The following TGFBR3 variants were observed in gnomAD, a reference collection of about 807,000 sequenced individuals.
TGFBR3 encodes transforming growth factor beta receptor type 3.
A neutral mutation model predicts 87.9 loss-of-function variants in TGFBR3; 46 were observed. The observed-to-expected ratio is 0.52, with a 90% confidence interval of 0.41 to 0.67. TGFBR3 has a LOEUF of 0.67. TGFBR3 is among the 30% of genes least tolerant of loss of function. TGFBR3 has a pLI of 0.00. For missense variants in TGFBR3, 866 were observed against 1,041.9 expected (o/e 0.83, Z 2.32); for synonymous variants, 381 against 391.6 (o/e 0.97, Z 0.32).
intron 3 of TGFBR3, among the ~76,000 whole-genome samples, chr1:91,770,388 C>T (rs1229246411): frequency 4.6e-5 from 7 of 152,162 alleles, no homozygotes; most frequent in Non-Finnish European, 1.0e-4. Flanking sequence ...AGTCTCTGAT[C>T]TGCCACCCTA....
At chr1:91,740,881 A>AGG (rs1673137348) in intron 4 of TGFBR3, among the ~76,000 whole-genome samples, 1 of 152,244 alleles carries the variant, frequency 6.6e-6, no homozygotes, top group Non-Finnish European at 1.5e-5. Context: ...TAAGAAATGT[A>AGG]GGGAAAATAA....
At chr1:91,837,277 T>G (rs907921251) in intron 2 of TGFBR3, among the ~76,000 whole-genome samples, 7 of 149,900 alleles carry the variant, frequency 4.7e-5, no homozygotes, top group African/African-American at 1.7e-4. Context: ...AGTCTTGCTC[T>G]GTCTGTCGCC....
chr1:91,683,984 C>T (rs771208481), intron 16 of TGFBR3, 127 bp from the exon 17 acceptor site: 18 of 800,940 alleles, frequency 2.2e-5, no homozygotes, highest in Non-Finnish European at 3.1e-5. Context: ...GCAGAAGCAA[C>T]TAGACTAGGT....
At position 91,682,005 on chromosome 1, in the gene TGFBR3, T is replaced by G. The variant is rs139697752; in HGVS notation, c.*1734A>C. Reference sequence around the variant, plus strand: ...GATCAATGTAGATAGCCTGGAAATCTCAGCCCTAAAGTAATGTTTTAGTTA... The same window carrying G: ...GATCAATGTAGATAGCCTGGAAATCGCAGCCCTAAAGTAATGTTTTAGTTA... On this transcript the variant is annotated 3_prime_UTR_variant, in exon 17 of 17. Transcript: ENST00000212355. 692 of 453,866 alleles carry G rather than the reference T, an allele frequency of 1.5e-3. 3 individuals are homozygous for G. The highest frequency in any genetic ancestry group is 9.8e-3 in the African/African-American group (493 of 50,062). 28.1% of individuals were successfully genotyped at this position (453,866 alleles called of 1,614,324 possible).
chr1:91,698,132 T>C lies in TGFBR3; in HGVS notation c.2288-2A>G. ...GTTCCTTCATGCTTGGACCTTTTTC[T>C]GAAACAAAAACATAAATCACAATGT... On this transcript the variant is annotated splice_acceptor_variant, in intron 14 of 16. Coordinates refer to ENST00000212355, the MANE Select transcript of TGFBR3 (RefSeq NM_003243.5). LOFTEE classifies it high-confidence loss of function. 1 of 1,613,496 alleles carries C rather than the reference T, an allele frequency of 6.2e-7. No individual in the cohort carries two copies. Among genetic ancestry groups the C allele is most frequent in the Non-Finnish European group, 8.5e-7 (1 of 1,179,478 alleles).
At chr1:91,702,308 T>C (rs879268719) in intron 14 of TGFBR3, among the ~76,000 whole-genome samples, 1 of 152,132 alleles carries the variant, frequency 6.6e-6, no homozygotes, top group African/African-American at 2.4e-5. Flanking sequence ...TTGAGTACTT[T>C]CCCCAGCAAT....
chr1:91,700,733 T>C (rs865935081), intron 14 of TGFBR3, among the ~76,000 whole-genome samples: 2 of 152,340 alleles, frequency 1.3e-5, no homozygotes, highest in South Asian at 2.1e-4. Context: ...ATCAGCCTCA[T>C]TGGCACCAAT....
intron 3 of TGFBR3, among the ~76,000 whole-genome samples, chr1:91,789,676 G>A: frequency 6.6e-6 from 1 of 152,152 alleles, no homozygotes. Context: ...TGCATTTTTG[G>A]AGAGTTCCTA....
intron 3 of TGFBR3, among the ~76,000 whole-genome samples, chr1:91,763,286 G>A (rs1049222036): frequency 2.0e-5 from 3 of 152,206 alleles, no homozygotes; most frequent in African/African-American, 7.2e-5. Flanking sequence ...AAAGCAAAGT[G>A]AGCAAGGCAA....
chr1:91,683,720 C>CTGGGCTGGGTTGGGCT lies in TGFBR3; in HGVS notation c.*18_*19insAGCCCAACCCAGCCCA. On this transcript the variant is annotated 3_prime_UTR_variant, in exon 17 of 17. Transcript: ENST00000212355. Reference sequence around the variant, plus strand: ...TGAGCTGGGCTGGGCTGGGTTGGGCCGGGTTGGGCTGGGTTGGGCTAGGCC... The same window carrying CTGGGCTGGGTTGGGCT: ...TGAGCTGGGCTGGGCTGGGTTGGGCCTGGGCTGGGTTGGGCTGGGTTGGGCTGGGTTGGGCTAGGCC... 3 of 1,407,068 alleles carry CTGGGCTGGGTTGGGCT rather than the reference C, an allele frequency of 2.1e-6. No individual in the cohort carries two copies. Among genetic ancestry groups the CTGGGCTGGGTTGGGCT allele is most frequent in the East Asian group, 3.4e-5 (1 of 29,396 alleles). 87.2% of individuals were successfully genotyped at this position (1,407,068 alleles called of 1,614,324 possible).
intron 2 of TGFBR3, among the ~76,000 whole-genome samples, chr1:91,859,094 T>C (rs1210730727): frequency 6.6e-6 from 1 of 152,026 alleles, no homozygotes; most frequent in African/African-American, 2.4e-5. Context: ...CTACTGTCCC[T>C]TCCACCTCAG....
At chr1:91,693,258 T>A (rs546922117) in intron 16 of TGFBR3, among the ~76,000 whole-genome samples, 3 of 152,236 alleles carry the variant, frequency 2.0e-5, no homozygotes, top group Non-Finnish European at 4.4e-5. Context: ...TCATAAGTCA[T>A]GCCAATGGAT....
At chr1:91,823,795 G>A (rs555118055) in intron 2 of TGFBR3, among the ~76,000 whole-genome samples, 2 of 152,340 alleles carry the variant, frequency 1.3e-5, no homozygotes, top group East Asian at 3.9e-4. Flanking sequence ...TGATTGCACA[G>A]GCATATGTAT....
intron 12 of TGFBR3, among the ~76,000 whole-genome samples, chr1:91,715,860 A>C (rs1012025547): frequency 2.0e-5 from 3 of 152,032 alleles, no homozygotes; most frequent in Non-Finnish European, 2.9e-5. Context: ...CAGGGAAAAA[A>C]AAAGAAATAA....
intron 4 of TGFBR3, among the ~76,000 whole-genome samples, chr1:91,741,134 G>C (rs1673146271): frequency 6.6e-6 from 1 of 152,202 alleles, no homozygotes; most frequent in African/African-American, 2.4e-5. Flanking sequence ...AGACCGCACA[G>C]ATTAAGGGCT....
intron 3 of TGFBR3, among the ~76,000 whole-genome samples, chr1:91,772,196 A>C (rs1674404121): frequency 6.6e-6 from 1 of 152,190 alleles, no homozygotes; most frequent in Non-Finnish European, 1.5e-5. Context: ...CCTGATAGAT[A>C]ATGAGTACAT....
chr1:91,744,633 G>A (rs554035474), intron 4 of TGFBR3, among the ~76,000 whole-genome samples: 210 of 152,252 alleles, frequency 1.4e-3, no homozygotes, highest in Non-Finnish European at 2.0e-3. Context: ...ACAGAAGTAC[G>A]TTAAAATGCA....
At chr1:91,794,160 T>C (rs1675290297) in intron 3 of TGFBR3, among the ~76,000 whole-genome samples, 1 of 151,952 alleles carries the variant, frequency 6.6e-6, no homozygotes, top group Non-Finnish European at 1.5e-5. Context: ...TTCACAGAAT[T>C]GTGCAACCAT....
intron 3 of TGFBR3, among the ~76,000 whole-genome samples, chr1:91,796,832 T>G (rs1675400627): frequency 6.6e-6 from 1 of 152,078 alleles, no homozygotes; most frequent in African/African-American, 2.4e-5. Context: ...TCCTCTTGCT[T>G]CAGCCTCCCA....
Sources: gnomAD v4.1 joint callset for allele counts (sites outside exome capture counted in the v4.1 genomes callset) on GRCh38, gnomAD v4.1.1 for gene constraint, MANE v1.5 for transcripts, NCBI Gene and HGNC (gene_info 2026-07-23, HGNC 2026-07-21) for gene names.